Variants in MAF observed in about 807,000 individuals in gnomAD.
MAF encodes transcription factor Maf.
MAF carries 10 observed loss-of-function variants against 22.0 expected under a neutral mutation model. The ratio of observed to expected loss-of-function variants is 0.45; its 90% CI spans 0.28 to 0.77. The LOEUF is 0.77. Among genes scored for constraint, MAF ranks in the 30% least tolerant of loss-of-function variants. MAF has a pLI of 0.12. For missense variants in MAF, 544 were observed against 548.4 expected (o/e 0.99, Z 0.08); for synonymous variants, 337 against 255.8 (o/e 1.32, Z -3.03).
chr16:79,524,369 T>C, the MAF span, among the ~76,000 whole-genome samples: 1 of 152,192 alleles, frequency 6.6e-6, no homozygotes, highest in Non-Finnish European at 1.5e-5. Flanking sequence ...TGAGGCTGGG[T>C]TTTGTAGATG....
the MAF span, among the ~76,000 whole-genome samples, chr16:79,510,352 GCTGT>G: frequency 1.3e-5 from 2 of 152,186 alleles, no homozygotes; most frequent in East Asian, 3.9e-4. Context: ...TGATTGTAAA[GCTGT>G]CTAATTCTGA....
At chr16:79,437,992 C>G in the MAF span, among the ~76,000 whole-genome samples, 1 of 152,140 alleles carries the variant, frequency 6.6e-6, no homozygotes, top group Non-Finnish European at 1.5e-5. Context: ...CCCAGGGCAC[C>G]GGGAAGCCGG....
At chr16:79,406,230 C>T in the MAF span, among the ~76,000 whole-genome samples, 1 of 152,230 alleles carries the variant, frequency 6.6e-6, no homozygotes. Context: ...TACTTGCCTT[C>T]ATATCCTGTC....
the MAF span, among the ~76,000 whole-genome samples, chr16:79,324,397 G>A: frequency 2.2e-4 from 34 of 152,116 alleles, no homozygotes; most frequent in Non-Finnish European, 3.2e-4. Flanking sequence ...CTGTGTGTAC[G>A]AAGCGCTGAC....
the MAF span, among the ~76,000 whole-genome samples, chr16:79,259,574 T>C: frequency 6.6e-6 from 1 of 152,144 alleles, no homozygotes. Context: ...TAGTAGGTGC[T>C]CCGTAAATCA....
the MAF span, among the ~76,000 whole-genome samples, chr16:79,428,866 A>ATAATAATAATAATAC: frequency 6.6e-6 from 1 of 151,206 alleles, no homozygotes; most frequent in Non-Finnish European, 1.5e-5. Context: ...AATAATAATA[A>ATAATAATAATAATAC]TAATAGTAAT....
chr16:79,445,752 G>C, the MAF span, among the ~76,000 whole-genome samples: 1 of 152,232 alleles, frequency 6.6e-6, no homozygotes, highest in Non-Finnish European at 1.5e-5. Context: ...TCATCCAGGA[G>C]GTAGTTCTGA....
At chr16:79,339,601 G>C in the MAF span, among the ~76,000 whole-genome samples, 1 of 152,106 alleles carries the variant, frequency 6.6e-6, no homozygotes, top group Non-Finnish European at 1.5e-5. Flanking sequence ...ATATAGCCAG[G>C]ACTATTCTAA....
chr16:79,360,027 G>T, the MAF span, among the ~76,000 whole-genome samples: 2 of 152,170 alleles, frequency 1.3e-5, no homozygotes, highest in African/African-American at 2.4e-5. Flanking sequence ...GGAGCAATTG[G>T]GGAAGAGGGT....
the MAF span, among the ~76,000 whole-genome samples, chr16:79,362,896 G>T: frequency 6.6e-6 from 1 of 152,186 alleles, no homozygotes; most frequent in African/African-American, 2.4e-5. Flanking sequence ...CAAAATGCCT[G>T]TTATATACTG....
chr16:79,269,022 G>C, the MAF span, among the ~76,000 whole-genome samples: 5 of 152,200 alleles, frequency 3.3e-5, no homozygotes, highest in East Asian at 9.6e-4. Flanking sequence ...TTTGATATTT[G>C]CTAGTTTCCA....
the MAF span, among the ~76,000 whole-genome samples, chr16:79,484,058 C>T: frequency 3.3e-5 from 5 of 152,280 alleles, no homozygotes; most frequent in South Asian, 8.3e-4. Flanking sequence ...CCAGGTATTT[C>T]CTTTGAGAGC....
chr16:79,552,216 T>C, the MAF span, among the ~76,000 whole-genome samples: 2 of 126,346 alleles, frequency 1.6e-5, no homozygotes, highest in East Asian at 2.1e-4. Flanking sequence ...TGCTGCTCTC[T>C]CTTCTTTTTT....
the MAF span, among the ~76,000 whole-genome samples, chr16:79,537,429 T>G: frequency 1.3e-5 from 2 of 148,890 alleles, no homozygotes; most frequent in Non-Finnish European, 3.0e-5. Flanking sequence ...GGAGGCACTA[T>G]TGCAATGCCC....
the MAF span, among the ~76,000 whole-genome samples, chr16:79,378,014 C>G: frequency 6.6e-6 from 1 of 152,120 alleles, no homozygotes; most frequent in Non-Finnish European, 1.5e-5. Context: ...GATGAGGGCT[C>G]TTTTTTGGTT....
At chr16:79,384,152 A>G in the MAF span, among the ~76,000 whole-genome samples, 10 of 152,190 alleles carry the variant, frequency 6.6e-5, no homozygotes, top group African/African-American at 2.2e-4. Context: ...TTGTTTTAAA[A>G]AAAAGTGATG....
chr16:79,551,463 T>C, the MAF span, among the ~76,000 whole-genome samples: 1 of 152,182 alleles, frequency 6.6e-6, no homozygotes, highest in Non-Finnish European at 1.5e-5. Flanking sequence ...ACTCTCTCCT[T>C]TTTGATGAGA....
the MAF span, among the ~76,000 whole-genome samples, chr16:79,339,324 G>T: frequency 6.6e-6 from 1 of 152,216 alleles, no homozygotes. Flanking sequence ...CTCCCAGAGT[G>T]CTGGGATTAC....
At chr16:79,399,252 G>A in the MAF span, among the ~76,000 whole-genome samples, 2 of 152,296 alleles carry the variant, frequency 1.3e-5, no homozygotes, top group East Asian at 3.9e-4. Context: ...TAGCATTATG[G>A]GCTGTGCTAA....
Sources: allele counts gnomAD v4.1 joint callset (sites outside exome capture counted in the v4.1 genomes callset), GRCh38; gene constraint gnomAD v4.1.1; transcripts MANE v1.5; gene names NCBI Gene and HGNC (gene_info 2026-07-23, HGNC 2026-07-21).